The following PHF24 variants were observed in gnomAD, a reference collection of about 807,000 sequenced individuals.
PHF24 encodes Galpha inhibitory interacting protein.
Under a neutral mutation model 42.6 loss-of-function variants are expected in PHF24, and 25 were observed. The observed-to-expected ratio is 0.59, with a 90% CI of 0.43 to 0.82. The LOEUF is 0.82. Among genes scored for constraint, PHF24 ranks in the 40% least tolerant of loss-of-function variants. PHF24 has a pLI of 0.00. For missense variants in PHF24, 470 were observed against 538.1 expected, an observed-to-expected ratio of 0.87 and a Z score of 1.25; for synonymous variants, 185 against 204.8, an observed-to-expected ratio of 0.90 and a Z score of 0.83.
At chr9:34,687,466 G>T in the PHF24 span, among the ~76,000 whole-genome samples, 7 of 152,160 alleles carry the variant, frequency 4.6e-5, no homozygotes, top group Non-Finnish European at 1.0e-4. Flanking sequence ...TCCGGGTGCA[G>T]AGTGGAAAAG....
At chr9:34,841,261 A>G in the PHF24 span, among the ~76,000 whole-genome samples, 1 of 152,162 alleles carries the variant, frequency 6.6e-6, no homozygotes, top group South Asian at 2.1e-4. Flanking sequence ...GGCCTCCCAA[A>G]GTGCTGGGAT....
chr9:34,838,963 G>A, the PHF24 span, among the ~76,000 whole-genome samples: 1 of 152,184 alleles, frequency 6.6e-6, no homozygotes, highest in African/African-American at 2.4e-5. Flanking sequence ...GCAGAGTCTG[G>A]TTATGGCTTG....
At chr9:34,731,764 T>G in the PHF24 span, among the ~76,000 whole-genome samples, 1 of 152,236 alleles carries the variant, frequency 6.6e-6, no homozygotes, top group Non-Finnish European at 1.5e-5. Context: ...TGCAGATATC[T>G]CTTCAATATA....
chr9:34,757,805 G>A, the PHF24 span, among the ~76,000 whole-genome samples: 1 of 152,174 alleles, frequency 6.6e-6, no homozygotes, highest in Middle Eastern at 3.2e-3. Context: ...TTGCTGGGCT[G>A]TTTCTCAGGT....
exon 8 of PHF24, chr9:34,980,806 A>G (rs1431398280): frequency 6.6e-6 from 1 of 152,250 alleles, no homozygotes; most frequent in Admixed American, 6.5e-5. Context: ...GCTACCCAAA[A>G]TTGAGATCAG....
the PHF24 span, among the ~76,000 whole-genome samples, chr9:34,900,265 G>A: frequency 6.6e-6 from 1 of 152,106 alleles, no homozygotes; most frequent in African/African-American, 2.4e-5. Flanking sequence ...GAATGAGAGA[G>A]GTGACTCACC....
the PHF24 span, among the ~76,000 whole-genome samples, chr9:34,736,889 A>C: frequency 6.6e-6 from 1 of 152,226 alleles, no homozygotes; most frequent in Non-Finnish European, 1.5e-5. Flanking sequence ...GTGGAATTCT[A>C]TACCACGCAA....
chr9:34,917,081 A>T, the PHF24 span: 11 of 719,870 alleles, frequency 1.5e-5, no homozygotes, highest in Non-Finnish European at 2.8e-5. Flanking sequence ...GCGTGTGAGC[A>T]GCACAGAGGC....
the PHF24 span, among the ~76,000 whole-genome samples, chr9:34,875,351 A>C: frequency 2.0e-4 from 31 of 152,336 alleles, no homozygotes; most frequent in Admixed American, 1.8e-3. Flanking sequence ...TTAATAAAAA[A>C]TGTAAAATGA....
the PHF24 span, among the ~76,000 whole-genome samples, chr9:34,756,640 C>A: frequency 6.6e-6 from 1 of 152,080 alleles, no homozygotes; most frequent in Non-Finnish European, 1.5e-5. Context: ...TGAAGTCAAG[C>A]AGTGTGATGC....
chr9:34,876,220 A>T, the PHF24 span, among the ~76,000 whole-genome samples: 1 of 152,186 alleles, frequency 6.6e-6, no homozygotes, highest in African/African-American at 2.4e-5. Flanking sequence ...TCGCAGCTTT[A>T]TTCATGATTG....
chr9:34,693,820 T>C, the PHF24 span, among the ~76,000 whole-genome samples: 4 of 152,248 alleles, frequency 2.6e-5, no homozygotes, highest in African/African-American at 7.2e-5. Context: ...TGTGTGGCTG[T>C]AAGTTATTAC....
the PHF24 span, among the ~76,000 whole-genome samples, chr9:34,913,121 T>C: frequency 6.7e-6 from 1 of 150,110 alleles, no homozygotes; most frequent in Non-Finnish European, 1.5e-5. Context: ...TTTGGACCAA[T>C]AGAAATTTTC....
At chr9:34,744,872 A>AT in the PHF24 span, among the ~76,000 whole-genome samples, 1 of 152,140 alleles carries the variant, frequency 6.6e-6, no homozygotes, top group East Asian at 1.9e-4. Flanking sequence ...ACTTGGCAAG[A>AT]TTAAAAAAAA....
chr9:34,916,878 A>G, the PHF24 span, among the ~76,000 whole-genome samples: 1 of 152,248 alleles, frequency 6.6e-6, no homozygotes, highest in South Asian at 2.1e-4. Flanking sequence ...AGAGAAATAC[A>G]TACTTGCCAT....
chr9:34,894,485 C>T, the PHF24 span: 3 of 398,502 alleles, frequency 7.5e-6, no homozygotes, highest in Admixed American at 1.3e-4. Context: ...CGGCTTCTTC[C>T]TGTGAAGTTC....
chr9:34,707,412 C>G, the PHF24 span, among the ~76,000 whole-genome samples: 3 of 152,206 alleles, frequency 2.0e-5, no homozygotes, highest in Admixed American at 1.3e-4. Flanking sequence ...ACAAGAGTGC[C>G]TGATGTTGAA....
chr9:34,862,199 A>T, the PHF24 span, among the ~76,000 whole-genome samples: 3 of 152,254 alleles, frequency 2.0e-5, no homozygotes, highest in Admixed American at 6.5e-5. Flanking sequence ...CTAGGACCCT[A>T]AATAAACTCA....
the PHF24 span, among the ~76,000 whole-genome samples, chr9:34,813,317 C>T: frequency 6.6e-6 from 1 of 152,158 alleles, no homozygotes; most frequent in African/African-American, 2.4e-5. Flanking sequence ...ACAAACACTT[C>T]TGTTTCAATC....
Sources: gnomAD v4.1 joint callset for allele counts (sites outside exome capture counted in the v4.1 genomes callset) on GRCh38, gnomAD v4.1.1 for gene constraint, MANE v1.5 for transcripts, NCBI Gene and HGNC (gene_info 2026-07-23, HGNC 2026-07-21) for gene names.